KLRG1: variants seen among roughly 807,000 people sequenced by gnomAD.
KLRG1 encodes killer cell lectin-like receptor subfamily G member 1.
Under a neutral mutation model 21.8 loss-of-function variants are expected in KLRG1, and 16 were observed. The observed-to-expected ratio is 0.73, with a 90% CI of 0.50 to 1.11. The LOEUF (loss-of-function observed/expected upper bound fraction) is 1.11. Among genes scored for constraint, KLRG1 ranks in the 50% most tolerant of loss-of-function variants. The pLI is 0.00. For synonymous variants in KLRG1, 69 were observed against 75.9 expected (o/e 0.91, Z 0.47); for missense variants, 173 against 218.3 (o/e 0.79, Z 1.31).
rs952042690 is a variant in KLRG1, at chr12:9,009,709, T to G, written c.*172T>G. The G allele has an allele frequency of 8.4e-6, 12 of 1,425,728 alleles. 2 individuals are homozygous for G. The South Asian group carries it at 1.9e-4, about 22-fold the overall frequency. The allele number at this position is 1,425,728 out of a possible 1,614,324, so 88.3% of individuals were successfully genotyped here. A position where few individuals can be genotyped will look rare whatever the true frequency, so the allele number is the denominator to read the frequency against. ...TAGGGATTGATGCCTAACTGATGGA[T>G]TCTCTTTGAGACTATTTAGATATTA... On this transcript the variant is annotated 3_prime_UTR_variant, in exon 5 of 5. Transcript: ENST00000356986.
chr12:9,204,588 A>G, the KLRG1 span, among the ~76,000 whole-genome samples: 1 of 152,172 alleles, frequency 6.6e-6, no homozygotes, highest in Non-Finnish European at 1.5e-5. Context: ...ATATTTTATC[A>G]ACGAGTTTGA....
At chr12:9,194,559 G>T in the KLRG1 span, among the ~76,000 whole-genome samples, 1 of 150,000 alleles carries the variant, frequency 6.7e-6, no homozygotes, top group Non-Finnish European at 1.5e-5. Flanking sequence ...CTGCCTCCTG[G>T]ACTCACGCCA....
downstream of KLRG1, among the ~76,000 whole-genome samples, chr12:9,012,236 A>G (rs1290602309): frequency 6.6e-6 from 1 of 151,994 alleles, no homozygotes; most frequent in Non-Finnish European, 1.5e-5. Context: ...TGAGGAGAGG[A>G]GATGGAAGAG....
the KLRG1 span, among the ~76,000 whole-genome samples, chr12:9,124,435 T>C: frequency 6.6e-6 from 1 of 152,052 alleles, no homozygotes; most frequent in Non-Finnish European, 1.5e-5. Flanking sequence ...CCCTGTGCTC[T>C]TGGAAGGGGC....
At chr12:9,050,956 G>A in the KLRG1 span, among the ~76,000 whole-genome samples, 1 of 152,334 alleles carries the variant, frequency 6.6e-6, no homozygotes, top group African/African-American at 2.4e-5. Context: ...GGTGGCAGGA[G>A]GCAGAGTCCT....
the KLRG1 span, among the ~76,000 whole-genome samples, chr12:9,155,263 T>C: frequency 2.0e-5 from 3 of 152,354 alleles, no homozygotes; most frequent in Non-Finnish European, 4.4e-5. Flanking sequence ...GAAAATGTTA[T>C]TGCATTTTCT....
chr12:9,072,587 A>G, the KLRG1 span: 3 of 1,597,972 alleles, frequency 1.9e-6, no homozygotes, highest in African/African-American at 1.3e-5. Flanking sequence ...TTTCTGAGTT[A>G]GGACTTCTCA....
the KLRG1 span, among the ~76,000 whole-genome samples, chr12:9,062,538 T>A: frequency 2.7e-5 from 4 of 147,554 alleles, no homozygotes; most frequent in Non-Finnish European, 6.0e-5. Flanking sequence ...ATCTGATATG[T>A]TTATATCAGA....
At chr12:9,062,476 A>ATATATT in the KLRG1 span, among the ~76,000 whole-genome samples, 1 of 146,214 alleles carries the variant, frequency 6.8e-6, no homozygotes, top group East Asian at 2.0e-4. Flanking sequence ...AATATATCTG[A>ATATATT]TATATTTATA....
At chr12:9,095,435 A>G in the KLRG1 span, 1 of 1,147,050 alleles carries the variant, frequency 8.7e-7, no homozygotes, top group Non-Finnish European at 1.2e-6. Flanking sequence ...TTTATATCCC[A>G]TTACCCTCAA....
chr12:8,980,255 A>G (rs1258682422), intron 1 of KLRG1, among the ~76,000 whole-genome samples: 1 of 151,252 alleles, frequency 6.6e-6, no homozygotes, highest in Non-Finnish European at 1.5e-5. Context: ...AATGATTTCT[A>G]TCTCTCTGTT....
the KLRG1 span, among the ~76,000 whole-genome samples, chr12:9,134,640 G>C: frequency 6.6e-6 from 1 of 152,148 alleles, no homozygotes. Flanking sequence ...GGCTGTTTTA[G>C]ATAAATCATG....
chr12:9,180,883 A>G, the KLRG1 span: 1 of 1,360,328 alleles, frequency 7.4e-7, no homozygotes, highest in Non-Finnish European at 9.7e-7. Context: ...ATGGGAGAAA[A>G]TTTTCGCAAC....
the KLRG1 span, among the ~76,000 whole-genome samples, chr12:9,057,347 T>C: frequency 5.3e-5 from 8 of 152,102 alleles, no homozygotes; most frequent in Admixed American, 3.3e-4. Flanking sequence ...TAACAGATAC[T>C]GGAGACTCAG....
At chr12:9,127,864 GC>G in the KLRG1 span, 4 of 257,816 alleles carry the variant, frequency 1.6e-5, no homozygotes, top group African/African-American at 4.7e-5. Flanking sequence ...GGGCCCCGGG[GC>G]CCCGGCAATT....
the KLRG1 span, chr12:9,028,143 C>CT: frequency 1.8e-6 from 1 of 543,862 alleles, no homozygotes. Flanking sequence ...GTGTCGTCGT[C>CT]TTCTTCTTTT....
the KLRG1 span, among the ~76,000 whole-genome samples, chr12:9,082,853 G>A: frequency 1.3e-5 from 2 of 152,164 alleles, no homozygotes; most frequent in East Asian, 1.9e-4. Context: ...ACATAGAAAC[G>A]ATTGTGAATA....
chr12:9,201,922 G>A, the KLRG1 span, among the ~76,000 whole-genome samples: 6 of 151,834 alleles, frequency 4.0e-5, no homozygotes, highest in South Asian at 2.1e-4. Flanking sequence ...TATATGTATC[G>A]AATATATAAT....
At chr12:9,068,788 T>C in the KLRG1 span, 4 of 1,609,412 alleles carry the variant, frequency 2.5e-6, no homozygotes, top group Non-Finnish European at 3.4e-6. Context: ...TTCAGATCTC[T>C]TACTGGGACA....
Sources: gnomAD v4.1 joint callset for allele counts (sites outside exome capture counted in the v4.1 genomes callset) on GRCh38, gnomAD v4.1.1 for gene constraint, MANE v1.5 for transcripts, NCBI Gene and HGNC (gene_info 2026-07-23, HGNC 2026-07-21) for gene names.